The following KLHL1 variants were observed in gnomAD, a reference collection of about 807,000 sequenced individuals.
KLHL1 encodes the protein kelch-like protein 1.
In KLHL1, 47 loss-of-function variants were observed where a neutral mutation model predicts 77.7. That is an observed-to-expected ratio of 0.60 (90% CI 0.48 to 0.77). KLHL1 has a LOEUF of 0.77. Ranked by LOEUF, KLHL1 falls within the 30% of genes least tolerant of loss-of-function variation. The pLI, the probability that KLHL1 is intolerant of heterozygous loss-of-function variation, is 0.00. For missense variants in KLHL1, 925 were observed against 910.8 expected (o/e 1.02, Z -0.20); for synonymous variants, 360 against 325.2 (o/e 1.11, Z -1.15).
At chr13:69,716,340 A>G (rs1338358746) in intron 9 of KLHL1, among the ~76,000 whole-genome samples, 2 of 150,326 alleles carry the variant, frequency 1.3e-5, no homozygotes, top group Non-Finnish European at 2.9e-5. Context: ...TGTACCAAGC[A>G]CAAGAATATA....
chr13:69,948,796 C>A (rs777337353), intron 3 of KLHL1, among the ~76,000 whole-genome samples: 8 of 151,876 alleles, frequency 5.3e-5, no homozygotes, highest in Non-Finnish European at 1.2e-4. Flanking sequence ...TCTACAAAGT[C>A]TGTTATATTG....
intron 4 of KLHL1, among the ~76,000 whole-genome samples, chr13:69,910,340 C>T (rs1246275763): frequency 1.3e-5 from 2 of 151,938 alleles, no homozygotes; most frequent in Non-Finnish European, 2.9e-5. Flanking sequence ...GAATGGTTTG[C>T]CTCTAGGTTA....
intron 1 of KLHL1, among the ~76,000 whole-genome samples, chr13:70,031,222 G>A (rs574536822): frequency 2.0e-5 from 3 of 152,190 alleles, no homozygotes; most frequent in South Asian, 2.1e-4. Flanking sequence ...AAGAAGCATC[G>A]CAAGGATCAT....
chr13:69,846,909 C>T (rs1182351062), intron 5 of KLHL1, among the ~76,000 whole-genome samples: 2 of 151,292 alleles, frequency 1.3e-5, no homozygotes, highest in Non-Finnish European at 3.0e-5. Context: ...GAAAGTATTG[C>T]TTTATAAAAA....
chr13:69,744,638 T>G (rs780048684), intron 7 of KLHL1, among the ~76,000 whole-genome samples: 28 of 151,768 alleles, frequency 1.8e-4, no homozygotes, highest in Non-Finnish European at 7.4e-5. Context: ...AAACCTCTCA[T>G]GCAACTTCCC....
intron 1 of KLHL1, among the ~76,000 whole-genome samples, chr13:70,025,921 A>G (rs1885929062): frequency 6.6e-6 from 1 of 152,118 alleles, no homozygotes. Context: ...CTAATAAAGC[A>G]GCAATCCCCA....
At chr13:69,879,169 C>T (rs573366094) in intron 5 of KLHL1, among the ~76,000 whole-genome samples, 7 of 152,058 alleles carry the variant, frequency 4.6e-5, no homozygotes, top group African/African-American at 1.7e-4. Flanking sequence ...CAAACCTGCA[C>T]GTTGTGCACA....
intron 1 of KLHL1, among the ~76,000 whole-genome samples, chr13:70,074,083 T>TC (rs1887204343): frequency 6.6e-6 from 1 of 152,016 alleles, no homozygotes; most frequent in Admixed American, 6.6e-5. Flanking sequence ...CACCTCGGCC[T>TC]CCCAAAGTGC....
Position 70,107,606 on chromosome 13 carries a change from G to C in KLHL1, c.94C>G (p.Pro32Ala), listed in dbSNP as rs1888104139. ...FSHPSPSTGG[P>A]AGGGCLQQDG... ...TGTTGCAGGCAGCCTCCCCCCGCCGGGCCGCCGGTGGAAGGAGACGGGTGG... is the reference window on the plus strand; with the variant it reads ...TGTTGCAGGCAGCCTCCCCCCGCCGCGCCGCCGGTGGAAGGAGACGGGTGG... The change falls in exon 1 of 11, where the codon CCG (proline) becomes GCG (alanine). Residue 32 changes from proline (P) to alanine (A), a missense_variant. Transcript: ENST00000377844. The C allele has an allele frequency of 6.3e-7, 1 of 1,592,638 alleles. No individual in the cohort carries two copies. Among genetic ancestry groups the C allele is most frequent in the African/African-American group, 1.3e-5 (1 of 74,372 alleles).
intron 10 of KLHL1, among the ~76,000 whole-genome samples, chr13:69,703,412 A>G (rs1875488327): frequency 6.6e-6 from 1 of 151,256 alleles, no homozygotes; most frequent in South Asian, 2.1e-4. Context: ...ACTATAAAAG[A>G]GTCAAAAAGT....
intron 4 of KLHL1, among the ~76,000 whole-genome samples, chr13:69,914,016 A>T (rs923495551): frequency 1.3e-5 from 2 of 152,098 alleles, no homozygotes; most frequent in African/African-American, 4.8e-5. Context: ...GAAAGACTAG[A>T]CTAGTTTAGT....
intron 1 of KLHL1, among the ~76,000 whole-genome samples, chr13:70,103,600 A>G (rs559424216): frequency 9.2e-5 from 14 of 152,256 alleles, no homozygotes; most frequent in Non-Finnish European, 1.9e-4. Flanking sequence ...TTAGGCGCAG[A>G]CAATGGCTGT....
intron 1 of KLHL1, among the ~76,000 whole-genome samples, chr13:70,096,238 T>A (rs1887785459): frequency 6.6e-6 from 1 of 152,022 alleles, no homozygotes; most frequent in Non-Finnish European, 1.5e-5. Flanking sequence ...TATATGGTAG[T>A]TCTATTTTTA....
At chr13:69,842,791 C>T (rs1879317344) in intron 5 of KLHL1, among the ~76,000 whole-genome samples, 1 of 151,702 alleles carries the variant, frequency 6.6e-6, no homozygotes, top group Admixed American at 6.6e-5. Flanking sequence ...AACCTACGTG[C>T]CCATCAATGG....
intron 1 of KLHL1, among the ~76,000 whole-genome samples, chr13:70,048,475 G>C (rs1428266308): frequency 1.3e-5 from 2 of 152,182 alleles, no homozygotes; most frequent in Non-Finnish European, 2.9e-5. Context: ...TGTCTGGCAA[G>C]GCAGCCAGTT....
chr13:70,064,707 C>CA (rs1886967609), intron 1 of KLHL1, among the ~76,000 whole-genome samples: 2 of 152,050 alleles, frequency 1.3e-5, no homozygotes, highest in African/African-American at 2.4e-5. Context: ...TACAGAAATA[C>CA]AATAAATAAT....
intron 1 of KLHL1, among the ~76,000 whole-genome samples, chr13:70,009,077 A>G (rs1885471268): frequency 6.6e-6 from 1 of 152,066 alleles, no homozygotes; most frequent in African/African-American, 2.4e-5. Flanking sequence ...GTTTTGAAAA[A>G]CCTTATGTAT....
At chr13:69,822,895 G>A (rs1878393666) in intron 6 of KLHL1, among the ~76,000 whole-genome samples, 1 of 151,614 alleles carries the variant, frequency 6.6e-6, no homozygotes, top group African/African-American at 2.4e-5. Context: ...AAATATAGTG[G>A]GTTTAAAATA....
chr13:69,929,449 T>A (rs1038821513), intron 4 of KLHL1, among the ~76,000 whole-genome samples: 1 of 151,864 alleles, frequency 6.6e-6, no homozygotes, highest in African/African-American at 2.4e-5. Context: ...AGGGTAAAAT[T>A]AAAAGGGGTA....
Sources: gnomAD v4.1 joint callset for allele counts (sites outside exome capture counted in the v4.1 genomes callset) on GRCh38, gnomAD v4.1.1 for gene constraint, MANE v1.5 for transcripts, NCBI Gene and HGNC (gene_info 2026-07-23, HGNC 2026-07-21) for gene names.